The following SYNPR variants were observed in gnomAD, a reference collection of about 807,000 sequenced individuals.
SYNPR encodes the protein synaptoporin.
Under a neutral mutation model 32.9 loss-of-function variants are expected in SYNPR, and 23 were observed. The observed-to-expected ratio is 0.70, with a 90% CI of 0.50 to 0.99. The LOEUF is 0.99. Among genes scored for constraint, SYNPR ranks in the 50% least tolerant of loss-of-function variants. The pLI, the probability that SYNPR is intolerant of heterozygous loss-of-function variation, is 0.00. For synonymous variants in SYNPR, 146 were observed against 135.9 expected (o/e 1.07, Z -0.52); for missense variants, 318 against 349.3 (o/e 0.91, Z 0.71).
intron 2 of SYNPR, among the ~76,000 whole-genome samples, chr3:63,347,439 T>C (rs2107012000): frequency 6.6e-6 from 1 of 152,362 alleles, no homozygotes; most frequent in East Asian, 1.9e-4. Flanking sequence ...CATCCTTTTC[T>C]TTTTCATATA....
At chr3:63,244,833 C>G (rs529296064) in intron 1 of SYNPR, among the ~76,000 whole-genome samples, 3 of 152,158 alleles carry the variant, frequency 2.0e-5, no homozygotes, top group African/African-American at 7.2e-5. Flanking sequence ...TATTTGTATT[C>G]TAAGTAAAAT....
intron 4 of SYNPR, among the ~76,000 whole-genome samples, chr3:63,598,514 C>T (rs1699993761): frequency 1.3e-5 from 2 of 152,194 alleles, no homozygotes; most frequent in South Asian, 4.1e-4. Context: ...TGCAGAAACA[C>T]ATCCAGGTTT....
chr3:63,358,018 A>G (rs2087605498), intron 2 of SYNPR, among the ~76,000 whole-genome samples: 4 of 152,348 alleles, frequency 2.6e-5, no homozygotes, highest in Admixed American at 1.3e-4. Flanking sequence ...GGAGTGATTC[A>G]TTCGCGTAAA....
At chr3:63,371,703 T>G (rs940913552) in intron 2 of SYNPR, among the ~76,000 whole-genome samples, 2 of 151,824 alleles carry the variant, frequency 1.3e-5, no homozygotes, top group Non-Finnish European at 2.9e-5. Flanking sequence ...TCCACCTGAG[T>G]CCTCGTTCCA....
At chr3:63,347,427 C>T (rs2107011982) in intron 2 of SYNPR, among the ~76,000 whole-genome samples, 1 of 152,286 alleles carries the variant, frequency 6.6e-6, no homozygotes, top group East Asian at 1.9e-4. Flanking sequence ...GAATTCAACA[C>T]TCATCCTTTT....
chr3:63,287,280 C>T (rs1158517298), intron 2 of SYNPR, among the ~76,000 whole-genome samples: 1 of 152,146 alleles, frequency 6.6e-6, no homozygotes, highest in Non-Finnish European at 1.5e-5. Flanking sequence ...TCTTGCTGTT[C>T]TCATGAACTT....
At position 63,556,761 on chromosome 3, in the gene SYNPR, AAAT is replaced by A; in HGVS notation, c.408+23_408+25del. The A allele has an allele frequency of 6.3e-7, 1 of 1,589,662 alleles. No homozygotes were observed. The highest frequency in any genetic ancestry group is 8.6e-7 in the Non-Finnish European group (1 of 1,168,720). ...CTCATTGTAAGTGGTTTTCTTTTTC[AAAT>A]AACTTTTTCTGTTCCTTCTAATTTC... On this transcript the variant is annotated intron_variant, in intron 4 of 5. Coordinates refer to ENST00000478300, the MANE Select transcript of SYNPR (RefSeq NM_001130003.2).
At chr3:63,487,011 C>T (rs1177808936) in intron 3 of SYNPR, among the ~76,000 whole-genome samples, 4 of 152,084 alleles carry the variant, frequency 2.6e-5, no homozygotes, top group African/African-American at 9.7e-5. Flanking sequence ...TCAGCCCATC[C>T]CAAATATATT....
At chr3:63,338,397 C>T (rs964277293) in intron 2 of SYNPR, among the ~76,000 whole-genome samples, 1 of 152,150 alleles carries the variant, frequency 6.6e-6, no homozygotes, top group Non-Finnish European at 1.5e-5. Context: ...GAGTGTCTAG[C>T]TTTCTCGATC....
intron 2 of SYNPR, among the ~76,000 whole-genome samples, chr3:63,253,664 A>G (rs1422233044): frequency 1.3e-5 from 2 of 152,158 alleles, no homozygotes; most frequent in African/African-American, 2.4e-5. Context: ...AAGTCAGGAA[A>G]CTACAGGTGC....
intron 2 of SYNPR, among the ~76,000 whole-genome samples, chr3:63,357,471 T>C (rs906990329): frequency 2.0e-5 from 3 of 152,132 alleles, no homozygotes; most frequent in Non-Finnish European, 2.9e-5. Flanking sequence ...GTCACATTTT[T>C]ATGTAGCTTT....
intron 1 of SYNPR, among the ~76,000 whole-genome samples, chr3:63,234,404 C>A (rs1241608881): frequency 6.6e-6 from 1 of 152,162 alleles, no homozygotes; most frequent in Non-Finnish European, 1.5e-5. Context: ...CTTCCACAAC[C>A]ACTGGATCTT....
intron 3 of SYNPR, among the ~76,000 whole-genome samples, chr3:63,498,051 C>T (rs562857623): frequency 6.6e-6 from 1 of 152,136 alleles, no homozygotes; most frequent in Non-Finnish European, 1.5e-5. Context: ...CAGAAATACT[C>T]AGAGACGTGT....
At chr3:63,330,448 C>T (rs1276111418) in intron 2 of SYNPR, 17 of 121,178 alleles carry the variant, frequency 1.4e-4, no homozygotes, top group Admixed American at 1.4e-3. Context: ...TTCTGTCTCC[C>T]CTCTTTTTTT....
At chr3:63,418,319 C>T (rs997016007) in intron 2 of SYNPR, among the ~76,000 whole-genome samples, 1 of 152,138 alleles carries the variant, frequency 6.6e-6, no homozygotes, top group Admixed American at 6.5e-5. Flanking sequence ...ATTTCATTGT[C>T]CCTATCATTA....
At chr3:63,479,446 G>GCGCGCGCGCGCACACACA (rs6147854) in intron 2 of SYNPR, among the ~76,000 whole-genome samples, 3 of 135,742 alleles carry the variant, frequency 2.2e-5, no homozygotes, top group Non-Finnish European at 4.7e-5. Flanking sequence ...CCACACACAT[G>GCGCGCGCGCGCACACACA]CACACACACA....
chr3:63,532,588 C>T (rs925162721), intron 3 of SYNPR, among the ~76,000 whole-genome samples: 13 of 152,182 alleles, frequency 8.5e-5, no homozygotes, highest in African/African-American at 3.1e-4. Context: ...GCTGTTGTCT[C>T]CTTTTAGAGA....
At chr3:63,341,591 T>C (rs28857317) in intron 2 of SYNPR, among the ~76,000 whole-genome samples, 2,600 of 152,352 alleles carry the variant, frequency 0.017, 61 homozygotes, top group African/African-American at 0.059. Context: ...TAGTTTGTAA[T>C]TTTCTAATGA....
At chr3:63,449,093 A>G (rs1178166229) in intron 2 of SYNPR, among the ~76,000 whole-genome samples, 1 of 152,192 alleles carries the variant, frequency 6.6e-6, no homozygotes, top group East Asian at 1.9e-4. Flanking sequence ...ATTCTTGGAC[A>G]GTATTGGGAG....
Sources: allele counts gnomAD v4.1 joint callset (sites outside exome capture counted in the v4.1 genomes callset), GRCh38; gene constraint gnomAD v4.1.1; transcripts MANE v1.5; gene names NCBI Gene and HGNC (gene_info 2026-07-23, HGNC 2026-07-21).